Variants in KPNA4 observed in about 807,000 individuals in gnomAD.
KPNA4 encodes the protein karyopherin subunit alpha 4.
Under a neutral mutation model 71.3 loss-of-function variants are expected in KPNA4, and 13 were observed. That is an observed-to-expected ratio of 0.18 (90% confidence interval 0.12 to 0.29). KPNA4 has a LOEUF of 0.29. Ranked by LOEUF, KPNA4 falls within the 10% of genes least tolerant of loss-of-function variation. The probability of loss-of-function intolerance (pLI) is 1.00; values close to 1 mark genes in which losing one functional copy is unlikely to be tolerated. For missense variants in KPNA4, 334 were observed against 603.2 expected (o/e 0.55, Z 4.67); for synonymous variants, 189 against 195.2 (o/e 0.97, Z 0.26).
In KPNA4 at chr3:160,495,620, TAA is replaced by T. The variant is rs1720742386; in HGVS notation, c.*6482_*6483del. The T allele has an allele frequency of 6.6e-6, 1 of 151,938 alleles. No individual in the cohort carries two copies. Among genetic ancestry groups the T allele is most frequent in the East Asian group, 1.9e-4 (1 of 5,184 alleles). The allele number at this position is 151,938 out of a possible 1,614,324, so 9.4% of individuals were successfully genotyped here. On this transcript the variant is annotated 3_prime_UTR_variant, in exon 17 of 17. Coordinates refer to ENST00000334256, the MANE Select transcript of KPNA4 (RefSeq NM_002268.5). ...AGGATGACTAGGACTGCCACTATGC[TAA>T]AGACCACTCAACTGAATATAATACT...
At chr3:160,552,179 A>G (rs1245240298) in intron 1 of KPNA4, among the ~76,000 whole-genome samples, 1 of 152,204 alleles carries the variant, frequency 6.6e-6, no homozygotes, top group Non-Finnish European at 1.5e-5. Flanking sequence ...AATCCAAAAG[A>G]CTAACAGTAG....
intron 1 of KPNA4, among the ~76,000 whole-genome samples, chr3:160,554,873 T>C (rs1231565844): frequency 6.6e-5 from 10 of 152,218 alleles, no homozygotes; most frequent in Non-Finnish European, 1.3e-4. Flanking sequence ...CTTTGTAATA[T>C]AGTTTATTTT....
intron 1 of KPNA4, among the ~76,000 whole-genome samples, chr3:160,548,343 T>G (rs1442785849): frequency 6.6e-6 from 1 of 152,196 alleles, no homozygotes; most frequent in Non-Finnish European, 1.5e-5. Flanking sequence ...CCACTTTAAC[T>G]ATTTTAAAGT....
At chr3:160,523,300 G>A (rs6806971) in intron 10 of KPNA4, among the ~76,000 whole-genome samples, 22,542 of 151,760 alleles carry the variant, frequency 0.15, 2,140 homozygotes, top group Non-Finnish European at 0.21. Context: ...GTGAAACCCC[G>A]TCTCTATGAA....
Position 160,502,090 on chromosome 3 carries a change from TC to T in KPNA4, c.*13del. 7.0e-7 allele frequency: 1 copy of T among 1,436,960 alleles called. No individual in the cohort carries two copies. Among genetic ancestry groups the T allele is most frequent in the South Asian group, 1.2e-5 (1 of 82,032 alleles). 89.0% of individuals were successfully genotyped at this position (1,436,960 alleles called of 1,614,324 possible). On this transcript the variant is annotated 3_prime_UTR_variant, in exon 17 of 17. Transcript: ENST00000334256. ...TCTCAGTGCTGCATTGTACCTAACT[TC>T]CACAACATCTTTCTAAAACTGGAAC...
chr3:160,559,533 G>A (rs1009235296), intron 1 of KPNA4, among the ~76,000 whole-genome samples: 1 of 152,174 alleles, frequency 6.6e-6, no homozygotes, highest in South Asian at 2.1e-4. Flanking sequence ...TGTTACATCT[G>A]AAGTGCAAGA....
At chr3:160,562,766 C>G (rs1722271606) in intron 1 of KPNA4, among the ~76,000 whole-genome samples, 1 of 152,132 alleles carries the variant, frequency 6.6e-6, no homozygotes, top group Non-Finnish European at 1.5e-5. Flanking sequence ...CAGAGGACAA[C>G]CATAAGGCAC....
In KPNA4 at chr3:160,502,189, G is replaced by A; in HGVS notation, c.1481C>T (p.Pro494Leu). The change falls in exon 17 of 17, where the codon CCT becomes CTT. Residue 494 changes from proline to leucine, a missense_variant. Pro to Leu is a moderately conservative substitution (Grantham distance 98, BLOSUM62 -3). Coordinates refer to ENST00000334256, the MANE Select transcript of KPNA4 (RefSeq NM_002268.5). ...FFSSDDIDED[P>L]SLVPEAIQGG... ...TTGAATTGCCTCTGGAACAAGGCTA[G>A]GGTCTTCATCAATCTAGGTGAAAAA... The A allele has an allele frequency of 1.9e-6, 3 of 1,576,772 alleles. No individual in the cohort carries two copies. Among genetic ancestry groups the A allele is most frequent in the South Asian group, 1.2e-5 (1 of 86,122 alleles).
At chr3:160,560,757 T>C (rs943699796) in intron 1 of KPNA4, among the ~76,000 whole-genome samples, 1 of 152,084 alleles carries the variant, frequency 6.6e-6, no homozygotes, top group Non-Finnish European at 1.5e-5. Context: ...ACTGGCTACC[T>C]TGTAAACCAG....
intron 10 of KPNA4, among the ~76,000 whole-genome samples, chr3:160,525,436 C>T (rs768975887): frequency 1.1e-4 from 16 of 152,126 alleles, no homozygotes; most frequent in Non-Finnish European, 1.9e-4. Flanking sequence ...CTGTAAAAAG[C>T]ACAAGAACAA....
intron 16 of KPNA4, among the ~76,000 whole-genome samples, chr3:160,504,508 C>A (rs1026424836): frequency 6.6e-6 from 1 of 152,116 alleles, no homozygotes; most frequent in African/African-American, 2.4e-5. Context: ...TTATATAGTG[C>A]CTTACCTTTT....
rs532544472 is a variant in KPNA4, at chr3:160,531,664, A to G, written c.288-107T>C. 129 of 509,742 alleles carry G rather than the reference A, an allele frequency of 2.5e-4. 1 individual carries two copies. In the Admixed American group the frequency reaches 3.2e-3, roughly 13 times the overall value. The allele number at this position is 509,742 out of a possible 1,614,324, so 31.6% of individuals were successfully genotyped here. ...TAACATAAATCTGAATATTTGGTAC[A>G]AGTGCCTTCTCTGAAATTAACAATT... On this transcript the variant is annotated intron_variant, in intron 5 of 16. Coordinates refer to ENST00000334256, the MANE Select transcript of KPNA4 (RefSeq NM_002268.5).
chr3:160,532,446 A>G (rs1721593834), intron 5 of KPNA4, among the ~76,000 whole-genome samples: 1 of 152,238 alleles, frequency 6.6e-6, no homozygotes, highest in African/African-American at 2.4e-5. Context: ...CTCAGCAACT[A>G]AAGAGAAATG....
intron 12 of KPNA4, chr3:160,514,897 C>T (rs751835911): frequency 2.0e-6 from 1 of 507,758 alleles, no homozygotes; most frequent in Admixed American, 2.0e-5. Flanking sequence ...CTAATGTATA[C>T]TAGGCTCTTT....
Position 160,535,898 on chromosome 3 carries a change from C to CT in KPNA4, c.115-2dup, listed in dbSNP as rs761519450. On this transcript the variant is annotated splice_acceptor_variant, in intron 2 of 16. Transcript: ENST00000334256. LOFTEE classifies it high-confidence loss of function. ...TTAAGAGATGTTCATCTCTTTTATT[C>CT]TTAAAAAAAAAAAAAAAAAAAAAAA... 9 of 333,304 alleles carry CT rather than the reference C, an allele frequency of 2.7e-5. No individual in the cohort carries two copies. The highest frequency in any genetic ancestry group is 4.7e-5 in the African/African-American group (1 of 21,336). The allele number at this position is 333,304 out of a possible 1,614,324, so 20.6% of individuals were successfully genotyped here.
intron 1 of KPNA4, among the ~76,000 whole-genome samples, chr3:160,558,143 T>G (rs539596774): frequency 2.0e-5 from 3 of 152,208 alleles, no homozygotes; most frequent in Non-Finnish European, 4.4e-5. Flanking sequence ...ACATAAAGCA[T>G]TTAGTAACCC....
intron 16 of KPNA4, among the ~76,000 whole-genome samples, chr3:160,503,786 T>C (rs1720926664): frequency 6.6e-6 from 1 of 152,178 alleles, no homozygotes; most frequent in Admixed American, 6.5e-5. Context: ...AAGTTACTCT[T>C]AAAAGAATAT....
intron 15 of KPNA4, among the ~76,000 whole-genome samples, chr3:160,506,749 T>C (rs1720991394): frequency 6.6e-6 from 1 of 152,262 alleles, no homozygotes; most frequent in African/African-American, 2.4e-5. Context: ...TAAGTATGCC[T>C]ATTGTTATTT....
intron 8 of KPNA4, 118 bp downstream of exon 8, chr3:160,527,835 T>C (rs1461567282): frequency 1.6e-6 from 1 of 625,638 alleles, no homozygotes; most frequent in African/African-American, 1.8e-5. Flanking sequence ...CTGTAAGCTA[T>C]TTCACAAAAA....
Sources: gnomAD v4.1 joint callset for allele counts (sites outside exome capture counted in the v4.1 genomes callset) on GRCh38, gnomAD v4.1.1 for gene constraint, MANE v1.5 for transcripts, NCBI Gene and HGNC (gene_info 2026-07-23, HGNC 2026-07-21) for gene names.